Variants in TBCEL observed in about 807,000 individuals in gnomAD.
The protein encoded by TBCEL is tubulin-specific chaperone cofactor E-like protein.
A neutral mutation model predicts 44.2 loss-of-function variants in TBCEL; 15 were observed. The ratio of observed to expected loss-of-function variants is 0.34; its 90% CI spans 0.23 to 0.52. The LOEUF is 0.52. Among genes scored for constraint, TBCEL ranks in the 20% least tolerant of loss-of-function variants. The pLI, the probability that TBCEL is intolerant of heterozygous loss-of-function variation, is 0.95. For missense variants in TBCEL, 319 were observed against 506.3 expected (o/e 0.63, Z 3.55); for synonymous variants, 171 against 185.4 (o/e 0.92, Z 0.63).
At chr11:121,044,596 G>A (rs745949836) in intron 2 of TBCEL, among the ~76,000 whole-genome samples, 8 of 152,118 alleles carry the variant, frequency 5.3e-5, no homozygotes, top group Non-Finnish European at 8.8e-5. Context: ...CCTAATAGTT[G>A]AAATTACAGA....
intron 8 of TBCEL, among the ~76,000 whole-genome samples, chr11:121,064,584 T>C (rs971314135): frequency 3.9e-5 from 6 of 152,220 alleles, no homozygotes; most frequent in African/African-American, 7.2e-5. Context: ...TCAATGCCAC[T>C]GCTTGGTCTC....
chr11:121,025,726 T>A (rs571401986), intron 1 of TBCEL, among the ~76,000 whole-genome samples: 93 of 152,082 alleles, frequency 6.1e-4, no homozygotes, highest in Middle Eastern at 6.8e-3. Context: ...ATTTTTTTTT[T>A]TTTTATTTTA....
At chr11:121,027,755 G>C (rs1450721175) in intron 1 of TBCEL, among the ~76,000 whole-genome samples, 1 of 152,036 alleles carries the variant, frequency 6.6e-6, no homozygotes, top group Non-Finnish European at 1.5e-5. Flanking sequence ...ATATTGCTTT[G>C]TATTATTTGT....
At chr11:121,048,710 G>T (rs1218828080) in intron 4 of TBCEL, among the ~76,000 whole-genome samples, 5 of 151,854 alleles carry the variant, frequency 3.3e-5, no homozygotes, top group Admixed American at 6.6e-5. Flanking sequence ...AGAAACTAAA[G>T]TCTGACTCTA....
intron 8 of TBCEL, among the ~76,000 whole-genome samples, chr11:121,065,331 CA>C (rs1306452103): frequency 6.6e-6 from 1 of 152,058 alleles, no homozygotes; most frequent in Non-Finnish European, 1.5e-5. Context: ...TTTCATTTGC[CA>C]GGGGAAGAGG....
chr11:121,081,576 T>C (rs1946126378), intron 8 of TBCEL, among the ~76,000 whole-genome samples: 1 of 152,236 alleles, frequency 6.6e-6, no homozygotes, highest in Admixed American at 6.5e-5. Flanking sequence ...TTGGAACTAA[T>C]GCTAAGAAAA....
chr11:121,030,368 G>T lies in TBCEL; in HGVS notation c.-126+6077G>T, dbSNP rs77210893. Among the ~76,000 whole-genome samples the T allele has an allele frequency of 5.1e-3, 784 of 152,280 alleles. 5 individuals carry two copies. Among genetic ancestry groups the T allele is most frequent in the African/African-American group, 0.017 (720 of 41,540 alleles). On this transcript the variant is annotated intron_variant, in intron 1 of 8. Coordinates refer to ENST00000683345, the MANE Select transcript of TBCEL (RefSeq NM_001363644.2). ...ATTCTGCATGTGAAGGGGAGCCATTGGAGAGTGTAAAGGACATGATTTGAC... is the reference window on the plus strand; with the variant it reads ...ATTCTGCATGTGAAGGGGAGCCATTTGAGAGTGTAAAGGACATGATTTGAC...
At chr11:121,078,682 G>T (rs184392427) in intron 8 of TBCEL, among the ~76,000 whole-genome samples, 56 of 152,270 alleles carry the variant, frequency 3.7e-4, no homozygotes, top group Non-Finnish European at 6.8e-4. Flanking sequence ...CCTGTCTGTA[G>T]TTCCCCTGCC....
rs145208381 is a variant in TBCEL at position 121,065,930 on chromosome 11, A to G, written c.956+5845A>G. Among the ~76,000 whole-genome samples the G allele has an allele frequency of 1.7e-3, 262 of 152,336 alleles. 2 individuals carry two copies. Among genetic ancestry groups the G allele is most frequent in the African/African-American group, 5.7e-3 (235 of 41,574 alleles). ...CTAGGCCAGAAACCAATCCTAAATT[A>G]CCCTTACTTACCTGAGGAACTATTG... is the stretch of plus-strand genomic sequence containing the variant. On this transcript the variant is annotated intron_variant, in intron 8 of 8. Transcript: ENST00000683345.
chr11:121,061,701 A>AT (rs911309685), intron 8 of TBCEL, among the ~76,000 whole-genome samples: 3 of 152,254 alleles, frequency 2.0e-5, no homozygotes, highest in Admixed American at 2.0e-4. Context: ...GGTATAAAAG[A>AT]TAAAAACTGC....
In TBCEL at chr11:121,088,868, G is replaced by A. The variant is rs974929023; in HGVS notation, c.*1772G>A. ...TAAAGGTGGAAACCAAAGGGTTTGA[G>A]AAAGACGAATAAGGCCTATTCTCCT... On this transcript the variant is annotated 3_prime_UTR_variant, in exon 9 of 9. Coordinates refer to ENST00000683345, the MANE Select transcript of TBCEL (RefSeq NM_001363644.2). 7 of 152,178 alleles carry A rather than the reference G, an allele frequency of 4.6e-5. No individual in the cohort carries two copies. Among genetic ancestry groups the A allele is most frequent in the African/African-American group, 1.4e-4 (6 of 41,444 alleles). 9.4% of individuals were successfully genotyped at this position (152,178 alleles called of 1,614,324 possible). A position where few individuals can be genotyped will look rare whatever the true frequency, so the allele number is the denominator to read the frequency against.
At chr11:121,030,840 A>G (rs1295471623) in intron 1 of TBCEL, among the ~76,000 whole-genome samples, 1 of 151,166 alleles carries the variant, frequency 6.6e-6, no homozygotes, top group Non-Finnish European at 1.5e-5. Context: ...AAAATTTTGT[A>G]TAAATGGAAT....
chr11:121,077,346 TG>T (rs1215825955), intron 8 of TBCEL, among the ~76,000 whole-genome samples: 1 of 152,114 alleles, frequency 6.6e-6, no homozygotes, highest in Non-Finnish European at 1.5e-5. Context: ...TGTTTCTTCT[TG>T]AGTGAGCTTT....
Position 121,086,919 on chromosome 11 carries a change from A to C in TBCEL, c.1098A>C (p.Ala366=), listed in dbSNP as rs146540306. Residue 366 remains alanine (A), a synonymous_variant, in exon 9 of 9, where the codon GCA becomes GCC. Coordinates refer to ENST00000683345, the MANE Select transcript of TBCEL (RefSeq NM_001363644.2). ...EMSIRLDQTV[A]ELKKQLKTLV... is the part of the protein sequence containing the mutation. ...GCATTCGTCTGGACCAAACAGTGGCAGAACTAAAGAAACAGTTAAAAACTC... is the reference window on the plus strand; with the variant it reads ...GCATTCGTCTGGACCAAACAGTGGCCGAACTAAAGAAACAGTTAAAAACTC... 1 of 1,614,136 alleles carries C rather than the reference A, an allele frequency of 6.2e-7. No homozygotes were observed. The highest frequency in any genetic ancestry group is 1.1e-5 in the South Asian group (1 of 91,086).
chr11:121,039,282 T>C (rs891321373), intron 2 of TBCEL, among the ~76,000 whole-genome samples: 3 of 152,244 alleles, frequency 2.0e-5, no homozygotes, highest in Non-Finnish European at 4.4e-5. Context: ...TGTCAGCTAA[T>C]CTTTATCTTT....
At chr11:121,042,795 T>G (rs148545467) in intron 2 of TBCEL, among the ~76,000 whole-genome samples, 1 of 152,248 alleles carries the variant, frequency 6.6e-6, no homozygotes, top group East Asian at 1.9e-4. Flanking sequence ...CACTTTTATA[T>G]TCATACTTTT....
intron 1 of TBCEL, among the ~76,000 whole-genome samples, chr11:121,033,168 T>C (rs183883118): frequency 6.6e-5 from 10 of 152,342 alleles, no homozygotes; most frequent in Admixed American, 2.0e-4. Context: ...TTTATAATCA[T>C]GTTATTCATA....
intron 1 of TBCEL, among the ~76,000 whole-genome samples, chr11:121,027,382 A>G (rs190808453): frequency 6.2e-4 from 95 of 152,254 alleles, no homozygotes; most frequent in African/African-American, 2.3e-3. Flanking sequence ...TTGCTTGCAT[A>G]GCTTCATGAG....
chr11:121,045,609 A>G (rs1945416045), intron 2 of TBCEL, 65 bp from the exon 3 acceptor site: 3 of 1,373,694 alleles, frequency 2.2e-6, no homozygotes, highest in South Asian at 1.5e-5. Context: ...TGGGTTTTCA[A>G]TAAATACTTC....
Sources: gnomAD v4.1 joint callset for allele counts (sites outside exome capture counted in the v4.1 genomes callset) on GRCh38, gnomAD v4.1.1 for gene constraint, MANE v1.5 for transcripts, NCBI Gene and HGNC (gene_info 2026-07-23, HGNC 2026-07-21) for gene names.